The following NTRK3 variants were observed in gnomAD, a reference collection of about 807,000 sequenced individuals.
The protein encoded by NTRK3 is neurotrophic receptor tyrosine kinase 3, also known as NT-3 growth factor receptor.
NTRK3 carries 24 observed loss-of-function variants against 91.7 expected under a neutral mutation model. The ratio of observed to expected loss-of-function variants is 0.26; its 90% CI spans 0.19 to 0.37. NTRK3 has a LOEUF of 0.37. NTRK3 is among the 10% of genes least tolerant of loss of function. The pLI is 1.00. For missense variants in NTRK3, 880 were observed against 1,068.9 expected (o/e 0.82, Z 2.46); for synonymous variants, 483 against 404.0 (o/e 1.20, Z -2.34).
intron 13 of NTRK3, among the ~76,000 whole-genome samples, chr15:88,119,488 G>C (rs1489329996): frequency 9.9e-5 from 15 of 152,214 alleles, no homozygotes; most frequent in Admixed American, 9.8e-4. Flanking sequence ...TCAGAAAAGA[G>C]AGGGAGGGCA....
At chr15:88,072,849 G>C (rs577296319) in intron 13 of NTRK3, 5 of 232,892 alleles carry the variant, frequency 2.1e-5, no homozygotes, top group African/African-American at 1.1e-4. Flanking sequence ...GGGCCAATCC[G>C]GAGTTATGCG....
intron 5 of NTRK3, among the ~76,000 whole-genome samples, chr15:88,148,623 G>A (rs899819334): frequency 6.6e-6 from 1 of 152,198 alleles, no homozygotes; most frequent in African/African-American, 2.4e-5. Flanking sequence ...TTTGGGATAA[G>A]GGGGAGAGGC....
At chr15:88,047,986 C>A (rs1033071575) in intron 13 of NTRK3, among the ~76,000 whole-genome samples, 4 of 152,198 alleles carry the variant, frequency 2.6e-5, no homozygotes, top group Admixed American at 6.5e-5. Context: ...TGTCTCCATC[C>A]TATCTCCTAA....
rs1455060843 is a variant in NTRK3, at chr15:88,135,275, C to A, written c.1030G>T (p.Glu344Ter). The A allele has an allele frequency of 6.2e-7, 1 of 1,614,188 alleles. No homozygotes were observed. Among genetic ancestry groups the A allele is most frequent in the Non-Finnish European group, 8.5e-7 (1 of 1,180,034 alleles). ...TATTCCACATGGATGATCTTGGACT[C>A]CCGCAGAGGCTGCCCATTGTGCAGC... The change falls in exon 10 of 19, where the codon GAG (glutamate) becomes TAG (stop). Residue 344 changes from glutamate to a stop codon, truncating the protein, a stop_gained. Transcript: ENST00000394480. LOFTEE classifies it high-confidence loss of function.
exon 2 of NTRK3, chr15:88,256,430 C>A: frequency 1.8e-6 from 1 of 543,642 alleles, no homozygotes; most frequent in South Asian, 2.5e-5. Flanking sequence ...GCTCGGCGAT[C>A]GCTGACTCGC....
chr15:87,871,923 A>C (rs1225034058), exon 19 of NTRK3: 1 of 221,430 alleles, frequency 4.5e-6, no homozygotes, highest in Non-Finnish European at 9.0e-6. Context: ...TGATGCATAA[A>C]CTTGGAATTT....
In NTRK3 at chr15:88,145,860, A is replaced by T. The variant is rs538278547; in HGVS notation, c.464+1475T>A. Among the ~76,000 whole-genome samples the T allele has an allele frequency of 1.8e-3, 271 of 150,852 alleles. 2 individuals are homozygous for T. Among genetic ancestry groups the T allele is most frequent in the African/African-American group, 5.4e-3 (219 of 40,302 alleles). The stretch of plus-strand genomic sequence containing the variant: ...AAGACCACAATCATGTGTTTTTTTT[A>T]AAATTATGGTAGAATAGATCCTTGT... On this transcript the variant is annotated intron_variant, in intron 6 of 18. Transcript: ENST00000394480.
Position 88,040,350 on chromosome 15 carries a change from G to A in NTRK3, c.1397-7305C>T, listed in dbSNP as rs140064340. 4.3e-3 allele frequency among the ~76,000 whole-genome samples: 655 copies of A among 152,312 alleles called. 7 individuals are homozygous for A. The highest frequency in any genetic ancestry group is 0.015 in the African/African-American group (625 of 41,560). ...GGAGCCTGGGACAACAAGTCACCAT[G>A]AGGACCTGTGGGTACACCACCATTC... On this transcript the variant is annotated intron_variant, in intron 13 of 18. Coordinates refer to ENST00000394480, the Ensembl canonical transcript of NTRK3.
chr15:87,902,054 GA>G (rs2066490297), intron 17 of NTRK3, among the ~76,000 whole-genome samples: 1 of 152,202 alleles, frequency 6.6e-6, no homozygotes, highest in Admixed American at 6.5e-5. Flanking sequence ...AAAACACTCA[GA>G]AAAGCTGAAG....
chr15:87,909,715 T>C (rs559164330), intron 17 of NTRK3, among the ~76,000 whole-genome samples: 1 of 152,256 alleles, frequency 6.6e-6, no homozygotes, highest in East Asian at 1.9e-4. Flanking sequence ...GAGCCTTAAA[T>C]GAGGTAACTA....
At chr15:87,949,375 G>A (rs1272956404) in intron 14 of NTRK3, among the ~76,000 whole-genome samples, 1 of 152,036 alleles carries the variant, frequency 6.6e-6, no homozygotes. Context: ...CAGCTCTGAA[G>A]AAGCTCAGCA....
chr15:88,061,333 G>A (rs923629583), intron 13 of NTRK3, among the ~76,000 whole-genome samples: 1 of 152,216 alleles, frequency 6.6e-6, no homozygotes, highest in Non-Finnish European at 1.5e-5. Context: ...GCTCCGAGGA[G>A]GGAGCCCTGC....
intron 14 of NTRK3, among the ~76,000 whole-genome samples, chr15:88,032,197 C>G (rs1450686263): frequency 6.6e-6 from 1 of 151,944 alleles, no homozygotes; most frequent in Non-Finnish European, 1.5e-5. Flanking sequence ...CATTGAGGCT[C>G]CAGGAGCTCA....
chr15:88,083,983 G>A (rs2150681564), intron 13 of NTRK3, among the ~76,000 whole-genome samples: 1 of 151,950 alleles, frequency 6.6e-6, no homozygotes, highest in Middle Eastern at 3.4e-3. Context: ...TAATTTTAAA[G>A]CCCCTGTGGA....
intron 17 of NTRK3, among the ~76,000 whole-genome samples, chr15:87,899,361 A>G (rs1366841163): frequency 1.3e-5 from 2 of 152,222 alleles, no homozygotes; most frequent in Non-Finnish European, 2.9e-5. Flanking sequence ...AAGCAAAAGG[A>G]GACCCACCCC....
intron 14 of NTRK3, among the ~76,000 whole-genome samples, chr15:88,029,791 C>G (rs547657623): frequency 9.8e-5 from 15 of 152,312 alleles, no homozygotes; most frequent in African/African-American, 3.6e-4. Flanking sequence ...ATGATAGTGG[C>G]TCATCGCACA....
At chr15:88,080,028 T>C (rs1417880226) in intron 13 of NTRK3, among the ~76,000 whole-genome samples, 1 of 152,250 alleles carries the variant, frequency 6.6e-6, no homozygotes, top group Non-Finnish European at 1.5e-5. Flanking sequence ...TCTTTACATA[T>C]TGTTCTACAA....
At chr15:87,897,594 C>T (rs1325100125) in intron 17 of NTRK3, among the ~76,000 whole-genome samples, 1 of 152,058 alleles carries the variant, frequency 6.6e-6, no homozygotes, top group Non-Finnish European at 1.5e-5. Flanking sequence ...ATCCACTCAG[C>T]CCCCAAATGC....
chr15:88,146,158 G>A (rs1456523410), intron 6 of NTRK3, among the ~76,000 whole-genome samples: 6 of 152,306 alleles, frequency 3.9e-5, no homozygotes, highest in East Asian at 3.9e-4. Context: ...GTAGTAAATC[G>A]TAGTAGTCAT....
Sources: gnomAD v4.1 joint callset for allele counts (sites outside exome capture counted in the v4.1 genomes callset) on GRCh38, gnomAD v4.1.1 for gene constraint, MANE v1.5 for transcripts, NCBI Gene and HGNC (gene_info 2026-07-23, HGNC 2026-07-21) for gene names.